The following DLGAP5 variants were observed in gnomAD, a reference collection of about 807,000 sequenced individuals.
DLGAP5 encodes DLG associated protein 5, also known as disks large-associated protein 5.
In DLGAP5, 90 loss-of-function variants were observed where a neutral mutation model predicts 99.6. The observed-to-expected ratio is 0.90, with a 90% confidence interval of 0.76 to 1.08. The LOEUF (loss-of-function observed/expected upper bound fraction) is 1.08, where lower values mean the gene tolerates loss of function less well. Among genes scored for constraint, DLGAP5 ranks in the 50% least tolerant of loss-of-function variants. The pLI is 0.00. For missense variants in DLGAP5, 1,036 were observed against 983.5 expected, an observed-to-expected ratio of 1.05 and a Z score of -0.71; for synonymous variants, 311 against 321.3, an observed-to-expected ratio of 0.97 and a Z score of 0.34.
chr14:55,148,331 G>GT lies in DLGAP5; in HGVS notation c.*19dup. 6.2e-7 allele frequency: 1 copy of GT among 1,610,762 alleles called. No homozygotes were observed. The highest frequency in any genetic ancestry group is 8.5e-7 in the Non-Finnish European group (1 of 1,178,112). On this transcript the variant is annotated 3_prime_UTR_variant, in exon 19 of 19. Transcript: ENST00000247191. ...AAGCATTGATAATATGAAGGAAAAT[G>GT]TTTGGATTTATTTTTAAATTCAAAA...
chr14:55,157,619 C>A (rs559745244), intron 14 of DLGAP5, among the ~76,000 whole-genome samples: 1 of 152,032 alleles, frequency 6.6e-6, no homozygotes, highest in South Asian at 2.1e-4. Context: ...GAGAAAATCA[C>A]AAAAAAATGA....
intron 10 of DLGAP5, among the ~76,000 whole-genome samples, chr14:55,173,241 C>A (rs1882923859): frequency 1.4e-5 from 2 of 140,080 alleles, no homozygotes; most frequent in African/African-American, 2.6e-5. Context: ...TCGAGACCAG[C>A]TTGGGCAATA....
chr14:55,183,786 T>C (rs763963427), intron 2 of DLGAP5, 33 bp from the exon 3 acceptor site: 2 of 1,468,638 alleles, frequency 1.4e-6, no homozygotes, highest in Admixed American at 5.7e-5. Flanking sequence ...CCACACAGTA[T>C]ATAAAACATT....
Position 55,181,230 on chromosome 14 carries a change from G to A in DLGAP5, c.563C>T (p.Ser188Leu). 1 of 1,613,820 alleles carries A rather than the reference G, an allele frequency of 6.2e-7. No homozygotes were observed. The highest frequency in any genetic ancestry group is 1.3e-5 in the African/African-American group (1 of 75,014). Residue 188 changes from serine (S) to leucine (L), a missense_variant, in exon 5 of 19, where the codon TCA becomes TTA. By Grantham distance (145) the Ser-to-Leu change is moderately radical. Transcript: ENST00000247191. ...GPRQTSEKKVSDKEKKVVQPV... is the reference protein window; with the variant it reads ...GPRQTSEKKVLDKEKKVVQPV... The stretch of plus-strand genomic sequence containing the variant: ...ATTCCTACCTTTTTTCTCTTTGTCT[G>A]ACACTTTCTTTTCAGAAGTTTGTCT...
intron 2 of DLGAP5, among the ~76,000 whole-genome samples, chr14:55,184,732 C>T (rs937319829): frequency 1.3e-5 from 2 of 152,164 alleles, no homozygotes; most frequent in Non-Finnish European, 2.9e-5. Context: ...GAACTACAGC[C>T]TCCTTCCAAA....
intron 11 of DLGAP5, among the ~76,000 whole-genome samples, chr14:55,170,339 A>G (rs939461742): frequency 2.0e-5 from 3 of 152,128 alleles, no homozygotes; most frequent in Non-Finnish European, 4.4e-5. Flanking sequence ...ATTTTTGTGT[A>G]AACAATATCA....
chr14:55,159,459 GAT>G (rs567381433), intron 13 of DLGAP5, among the ~76,000 whole-genome samples: 4 of 152,184 alleles, frequency 2.6e-5, no homozygotes, highest in Non-Finnish European at 5.9e-5. Context: ...AGATTCAAGA[GAT>G]ATTTGAAAGG....
At chr14:55,161,408 A>AAATTTT (rs1555328155) in intron 13 of DLGAP5, among the ~76,000 whole-genome samples, 1 of 115,902 alleles carries the variant, frequency 8.6e-6, no homozygotes, top group Non-Finnish European at 1.8e-5. Context: ...TAAAAAAAAA[A>AAATTTT]TTTTTTTTTT....
intron 13 of DLGAP5, among the ~76,000 whole-genome samples, chr14:55,160,867 G>A (rs1305344595): frequency 1.3e-5 from 2 of 152,118 alleles, no homozygotes; most frequent in Non-Finnish European, 2.9e-5. Context: ...GAGAAATAAA[G>A]GAACAAAAAT....
Position 55,169,418 on chromosome 14 carries a change from CA to C in DLGAP5, c.1528del (p.Trp510GlyfsTer8). ...ETTCTDLDGF[W>X]DMVSFQIEDV... is the part of the protein sequence containing the mutation. ...ACATACCTGAAAACTAACCATATCC[CA>C]AAATCCATCCAGATCTGTACAGGTA... On this transcript the variant is annotated frameshift_variant, in exon 12 of 19. Coordinates refer to ENST00000247191, the MANE Select transcript of DLGAP5 (RefSeq NM_014750.5). LOFTEE classifies it high-confidence loss of function. The C allele has an allele frequency of 6.5e-7, 1 of 1,546,892 alleles. No individual in the cohort carries two copies. Among genetic ancestry groups the C allele is most frequent in the Admixed American group, 2.1e-5 (1 of 47,368 alleles).
intron 10 of DLGAP5, among the ~76,000 whole-genome samples, chr14:55,174,653 G>A (rs759640250): frequency 3.3e-5 from 5 of 151,998 alleles, no homozygotes; most frequent in African/African-American, 7.3e-5. Flanking sequence ...AAGAACCTAC[G>A]TGAATATCAG....
At chr14:55,167,596 C>T (rs1882689992) in intron 12 of DLGAP5, among the ~76,000 whole-genome samples, 1 of 152,144 alleles carries the variant, frequency 6.6e-6, no homozygotes, top group Non-Finnish European at 1.5e-5. Flanking sequence ...GCCCACTCTC[C>T]TCTTTTCTTG....
In DLGAP5 at chr14:55,151,699, CTG is replaced by C. The variant is rs751839560; in HGVS notation, c.2362_2363del (p.Gln788ValfsTer5). The C allele has an allele frequency of 1.4e-5, 22 of 1,612,076 alleles. No homozygotes were observed. The highest frequency in any genetic ancestry group is 1.9e-5 in the Non-Finnish European group (22 of 1,179,360). On this transcript the variant is annotated frameshift_variant, in exon 17 of 19. Transcript: ENST00000247191. LOFTEE classifies it high-confidence loss of function. ...ILEEGETKIS[Q>X]SELFDNKSLT... ...AATATATTTTAAATATCTCACCTGA[CTG>C]AGAAATTTTAGTTTCCCCTTCTTCT...
rs771493094 is a variant in DLGAP5 at position 55,160,393 on chromosome 14, TA to T, written c.1654-1653del. ...CTGGGCAACACAGCAAGACTCTATATAAAAAAAAAAAAAAAGTAGACCATAT... is the reference window on the plus strand; with the variant it reads ...CTGGGCAACACAGCAAGACTCTATATAAAAAAAAAAAAAAGTAGACCATAT... On this transcript the variant is annotated intron_variant, in intron 13 of 18. Transcript: ENST00000247191. 6.0e-3 allele frequency among the ~76,000 whole-genome samples: 743 copies of T among 124,450 alleles called. 2 individuals are homozygous for T. The highest frequency in any genetic ancestry group is 9.5e-3 in the Admixed American group (118 of 12,382). 81.6% of individuals were successfully genotyped at this position (124,450 alleles called of 152,430 possible). A position where few individuals can be genotyped will look rare whatever the true frequency, so the allele number is the denominator to read the frequency against.
chr14:55,151,461 T>C (rs181056240), intron 17 of DLGAP5, among the ~76,000 whole-genome samples: 94 of 151,668 alleles, frequency 6.2e-4, no homozygotes, highest in African/African-American at 2.1e-3. Context: ...GAGGTGGAGG[T>C]TGCAGTGAGC....
At chr14:55,164,260 G>A (rs1292339049) in intron 12 of DLGAP5, among the ~76,000 whole-genome samples, 3 of 151,830 alleles carry the variant, frequency 2.0e-5, no homozygotes, top group African/African-American at 2.4e-5. Flanking sequence ...TGCTTGAACC[G>A]AGAAGGTCGA....
intron 8 of DLGAP5, among the ~76,000 whole-genome samples, chr14:55,176,751 G>T (rs988305993): frequency 6.6e-6 from 1 of 151,862 alleles, no homozygotes; most frequent in Non-Finnish European, 1.5e-5. Flanking sequence ...GGCCGAGGCG[G>T]GCGGATCACG....
chr14:55,183,621 C>A lies in DLGAP5; in HGVS notation c.371G>T (p.Arg124Ile). The change falls in exon 3 of 19, where the codon AGA becomes ATA. Residue 124 changes from arginine to isoleucine, a missense_variant. Transcript: ENST00000247191. ...TAAAAGAAAACAAGGCATATCAGGT[C>A]TATAACGACCCACTTTAAATATTCC... ...KRGIFKVGRY[R>I]PDMPCFLLSN... 6.2e-7 allele frequency: 1 copy of A among 1,607,068 alleles called. No homozygotes were observed. Among genetic ancestry groups the A allele is most frequent in the Non-Finnish European group, 8.5e-7 (1 of 1,178,228 alleles).
intron 4 of DLGAP5, 45 bp downstream of exon 4, chr14:55,182,325 G>T: frequency 6.7e-7 from 1 of 1,493,462 alleles, no homozygotes; most frequent in Non-Finnish European, 9.2e-7. Context: ...TACTAAAAAA[G>T]TGCAATTTAT....
Sources: allele counts gnomAD v4.1 joint callset (sites outside exome capture counted in the v4.1 genomes callset), GRCh38; gene constraint gnomAD v4.1.1; transcripts MANE v1.5; gene names NCBI Gene and HGNC (gene_info 2026-07-23, HGNC 2026-07-21).